The following UBAC2 variants were observed in gnomAD, a reference collection of about 807,000 sequenced individuals.
UBAC2 encodes ubiquitin-associated domain-containing protein 2.
Under a neutral mutation model 44.0 loss-of-function variants are expected in UBAC2, and 26 were observed. That is an observed-to-expected ratio of 0.59 (90% CI 0.43 to 0.82). The LOEUF is 0.82. Among genes scored for constraint, UBAC2 ranks in the 40% least tolerant of loss-of-function variants. The pLI, the probability that UBAC2 is intolerant of heterozygous loss-of-function variation, is 0.00. For synonymous variants in UBAC2, 155 were observed against 154.3 expected (o/e 1.00, Z -0.04); for missense variants, 329 against 419.4 (o/e 0.78, Z 1.88).
At chr13:99,228,850 T>C (rs542273177) in intron 1 of UBAC2, among the ~76,000 whole-genome samples, 41 of 152,352 alleles carry the variant, frequency 2.7e-4, no homozygotes, top group African/African-American at 9.1e-4. Flanking sequence ...CTAATGGTTC[T>C]AGTTTAGATG....
At chr13:99,272,583 G>A (rs1259766879) in intron 4 of UBAC2, among the ~76,000 whole-genome samples, 2 of 152,144 alleles carry the variant, frequency 1.3e-5, no homozygotes, top group Non-Finnish European at 2.9e-5. Context: ...TGTTGGCATG[G>A]TCAAGTTCTG....
chr13:99,205,020 C>T (rs1403539017), intron 1 of UBAC2, among the ~76,000 whole-genome samples: 1 of 150,402 alleles, frequency 6.6e-6, no homozygotes, highest in East Asian at 2.0e-4. Context: ...TCTTCTGCCT[C>T]AGCATCCTGA....
At chr13:99,292,659 C>T (rs1270636125) in intron 4 of UBAC2, among the ~76,000 whole-genome samples, 1 of 151,420 alleles carries the variant, frequency 6.6e-6, no homozygotes, top group African/African-American at 2.4e-5. Context: ...TTTTTACTAT[C>T]CTCTCGCTGA....
chr13:99,217,686 C>A (rs1386981998), intron 1 of UBAC2, among the ~76,000 whole-genome samples: 1 of 152,206 alleles, frequency 6.6e-6, no homozygotes, highest in African/African-American at 2.4e-5. Flanking sequence ...AGGCCCCAGG[C>A]GTTTCCTTTG....
At chr13:99,285,325 G>C (rs373108220) in intron 4 of UBAC2, among the ~76,000 whole-genome samples, 1 of 150,540 alleles carries the variant, frequency 6.6e-6, no homozygotes, top group Non-Finnish European at 1.5e-5. Context: ...GAGTATTTTT[G>C]TACTTTATTA....
chr13:99,270,187 A>C (rs867810515), intron 4 of UBAC2, among the ~76,000 whole-genome samples: 1 of 152,242 alleles, frequency 6.6e-6, no homozygotes, highest in Admixed American at 6.5e-5. Flanking sequence ...AAGGTGAGGC[A>C]ACACACTACT....
At chr13:99,349,277 CTG>C (rs748863803) in intron 7 of UBAC2, among the ~76,000 whole-genome samples, 2 of 152,328 alleles carry the variant, frequency 1.3e-5, no homozygotes, top group African/African-American at 4.8e-5. Context: ...AAAGATGTAT[CTG>C]TTCTCTACCA....
intron 4 of UBAC2, among the ~76,000 whole-genome samples, chr13:99,264,540 G>T (rs1157529795): frequency 1.3e-5 from 2 of 151,834 alleles, no homozygotes; most frequent in African/African-American, 4.8e-5. Flanking sequence ...CCTGTCTTTA[G>T]ACTGGGACTG....
chr13:99,244,773 C>T, intron 4 of UBAC2, 149 bp downstream of exon 4: 3 of 464,464 alleles, frequency 6.5e-6, no homozygotes, highest in Non-Finnish European at 1.1e-5. Context: ...TAATCTATGC[C>T]TACATTTTTA....
intron 4 of UBAC2, among the ~76,000 whole-genome samples, chr13:99,276,058 C>T (rs1208565499): frequency 6.6e-6 from 1 of 152,168 alleles, no homozygotes; most frequent in African/African-American, 2.4e-5. Context: ...TTTGTACTGT[C>T]AGTGGTGTCT....
Position 99,266,493 on chromosome 13 carries a change from A to G in UBAC2, c.389+21869A>G, listed in dbSNP as rs984168682. ...AGGTTGGACAAGCTTACTCTAAAAC[A>G]TTTTGGCTTGTAGACCATTTCTGCC... On this transcript the variant is annotated intron_variant, in intron 4 of 8. Coordinates refer to ENST00000403766, the MANE Select transcript of UBAC2 (RefSeq NM_001144072.2). 2.0e-5 allele frequency among the ~76,000 whole-genome samples: 3 copies of G among 152,176 alleles called. No homozygotes were observed. The East Asian group carries it at 5.8e-4, about 29-fold the overall frequency.
chr13:99,268,752 G>A (rs969822822), intron 4 of UBAC2, among the ~76,000 whole-genome samples: 4 of 152,110 alleles, frequency 2.6e-5, no homozygotes, highest in Admixed American at 2.0e-4. Flanking sequence ...ATGGCATCAT[G>A]GAGTGACTGC....
intron 4 of UBAC2, among the ~76,000 whole-genome samples, chr13:99,283,873 T>TA (rs1344353263): frequency 1.3e-5 from 2 of 151,946 alleles, no homozygotes; most frequent in South Asian, 2.1e-4. Context: ...TAGCTGAAAT[T>TA]ACAGGCGTGT....
chr13:99,332,775 A>G (rs909965430), intron 6 of UBAC2, among the ~76,000 whole-genome samples: 1 of 152,136 alleles, frequency 6.6e-6, no homozygotes, highest in Non-Finnish European at 1.5e-5. Context: ...CTTCTTTTTC[A>G]GTGGCCCCTC....
At chr13:99,321,966 A>G (rs1376248834) in intron 6 of UBAC2, among the ~76,000 whole-genome samples, 1 of 152,228 alleles carries the variant, frequency 6.6e-6, no homozygotes, top group Non-Finnish European at 1.5e-5. Context: ...GATTATTCAC[A>G]TGTATCATTG....
At chr13:99,365,393 C>A (rs968620179) in intron 7 of UBAC2, among the ~76,000 whole-genome samples, 1 of 151,890 alleles carries the variant, frequency 6.6e-6, no homozygotes, top group Non-Finnish European at 1.5e-5. Context: ...GTATAGTTAA[C>A]CCTTTAATTT....
chr13:99,353,163 A>G (rs989072331), intron 7 of UBAC2, among the ~76,000 whole-genome samples: 4 of 152,230 alleles, frequency 2.6e-5, no homozygotes, highest in African/African-American at 7.2e-5. Flanking sequence ...TCAAGAGTTT[A>G]TAAGTATATA....
intron 6 of UBAC2, among the ~76,000 whole-genome samples, chr13:99,335,690 T>A (rs1467024348): frequency 6.6e-6 from 1 of 152,234 alleles, no homozygotes; most frequent in Admixed American, 6.5e-5. Flanking sequence ...TACTGTGTTG[T>A]ATGAATAACC....
chr13:99,291,657 A>G (rs2044090369), intron 4 of UBAC2, among the ~76,000 whole-genome samples: 1 of 152,244 alleles, frequency 6.6e-6, no homozygotes, highest in Admixed American at 6.5e-5. Flanking sequence ...TTGGCTAATT[A>G]GCGCTCTCCT....
Sources: allele counts gnomAD v4.1 joint callset (sites outside exome capture counted in the v4.1 genomes callset), GRCh38; gene constraint gnomAD v4.1.1; transcripts MANE v1.5; gene names NCBI Gene and HGNC (gene_info 2026-07-23, HGNC 2026-07-21).